Variants in BPTF observed in about 807,000 individuals in gnomAD.
BPTF encodes nucleosome-remodeling factor subunit BPTF.
In BPTF, 18 loss-of-function variants were observed where a neutral mutation model predicts 292.5. The ratio of observed to expected loss-of-function variants is 0.06; its 90% CI spans 0.04 to 0.09. The LOEUF (loss-of-function observed/expected upper bound fraction) is 0.09, where lower values mean the gene tolerates loss of function less well. Ranked by LOEUF, BPTF falls within the 10% of genes least tolerant of loss-of-function variation. The pLI is 1.00. For synonymous variants in BPTF, 1,225 were observed against 1,251.9 expected (o/e 0.98, Z 0.45); for missense variants, 2,726 against 3,498.7 (o/e 0.78, Z 5.57).
rs1484364946 is a variant in BPTF at position 67,931,938 on chromosome 17, G to A, written c.6178G>A (p.Gly2060Ser). The A allele has an allele frequency of 6.8e-6, 11 of 1,613,788 alleles. No individual in the cohort carries two copies. The highest frequency in any genetic ancestry group is 7.6e-6 in the Non-Finnish European group (9 of 1,179,896). Reference protein sequence around the residue: ...QVITGPQIRPGMTVIRTPLQQ... With the variant: ...QVITGPQIRPSMTVIRTPLQQ... ...AATCACAGGGCCTCAGATTCGCCCT[G>A]GTATGACCGTGATTAGAACACCACT... is the stretch of plus-strand genomic sequence containing the variant. The change falls in exon 18 of 28, where the codon GGT becomes AGT. Residue 2060 changes from glycine to serine, a missense_variant. Gly to Ser is a moderately conservative substitution (Grantham distance 56). Transcript: ENST00000306378.
chr17:67,880,125 A>G (rs1164303412), intron 4 of BPTF, among the ~76,000 whole-genome samples: 1 of 152,014 alleles, frequency 6.6e-6, no homozygotes, highest in East Asian at 1.9e-4. Flanking sequence ...TTTTATATAT[A>G]TAGGGTCTAT....
chr17:67,929,203 G>A, intron 16 of BPTF, 133 bp from the exon 17 acceptor site: 1 of 1,429,728 alleles, frequency 7.0e-7, no homozygotes. Flanking sequence ...ACTGATTTCA[G>A]TCCTCGGATC....
chr17:67,849,048 C>T (rs1013166579), intron 1 of BPTF, among the ~76,000 whole-genome samples: 1 of 152,172 alleles, frequency 6.6e-6, no homozygotes, highest in Non-Finnish European at 1.5e-5. Flanking sequence ...CTGTTGTAAT[C>T]GTGCCTCCTG....
chr17:67,969,747 G>A (rs1036075612), intron 26 of BPTF, among the ~76,000 whole-genome samples: 9 of 151,628 alleles, frequency 5.9e-5, no homozygotes, highest in African/African-American at 2.2e-4. Flanking sequence ...TGGATAGCTT[G>A]AGCCCAGGAT....
At chr17:67,935,453 G>A (rs576536091) in intron 18 of BPTF, among the ~76,000 whole-genome samples, 2 of 152,026 alleles carry the variant, frequency 1.3e-5, no homozygotes, top group Non-Finnish European at 2.9e-5. Flanking sequence ...GAAAGAAAAT[G>A]AGGGAGGAAA....
At chr17:67,960,545 T>C (rs1175805547) in intron 24 of BPTF, among the ~76,000 whole-genome samples, 1 of 152,220 alleles carries the variant, frequency 6.6e-6, no homozygotes, top group African/African-American at 2.4e-5. Context: ...ATAGAGGCAC[T>C]AAACCGTAAA....
At chr17:67,844,064 C>T (rs1223278635) in intron 1 of BPTF, among the ~76,000 whole-genome samples, 1 of 141,694 alleles carries the variant, frequency 7.1e-6, no homozygotes, top group East Asian at 2.2e-4. Flanking sequence ...CGTGCCCGGC[C>T]CCCGCCTTTT....
chr17:67,967,589 G>T (rs1300417860), intron 26 of BPTF, among the ~76,000 whole-genome samples: 1 of 152,054 alleles, frequency 6.6e-6, no homozygotes, highest in African/African-American at 2.4e-5. Context: ...CGGAGGCCAA[G>T]GTGGATGGAT....
intron 1 of BPTF, among the ~76,000 whole-genome samples, chr17:67,850,556 A>G (rs2058330671): frequency 6.6e-6 from 1 of 152,010 alleles, no homozygotes; most frequent in South Asian, 2.1e-4. Flanking sequence ...TTTCTTAGAG[A>G]CGGGGTTTCA....
At position 67,913,121 on chromosome 17, in the gene BPTF, A is replaced by G. The variant is rs375239645; in HGVS notation, c.5237A>G (p.Asn1746Ser). The G allele has an allele frequency of 8.7e-6, 14 of 1,613,996 alleles. No homozygotes were observed. Among genetic ancestry groups the G allele is most frequent in the South Asian group, 2.2e-5 (2 of 91,082 alleles). Residue 1746 changes from asparagine (N) to serine (S), a missense_variant, in exon 11 of 28, where the codon AAT (asparagine) becomes AGT (serine). By Grantham distance (46) the Asn-to-Ser change is conservative. Transcript: ENST00000306378. Reference sequence around the variant, plus strand: ...CGAGAGGTCCCTTATTTTAATTACAATGCAAAACCTGCTTTGGATATATGG... The same window carrying G: ...CGAGAGGTCCCTTATTTTAATTACAGTGCAAAACCTGCTTTGGATATATGG... ...GIREVPYFNY[N>S]AKPALDIWPY... is the part of the protein sequence containing the mutation.
intron 1 of BPTF, among the ~76,000 whole-genome samples, chr17:67,839,807 C>T (rs936735326): frequency 1.3e-5 from 2 of 152,074 alleles, no homozygotes; most frequent in African/African-American, 2.4e-5. Flanking sequence ...TGAGTAAATA[C>T]CTAGGAGTAT....
At chr17:67,954,562 T>C (rs2066742683) in intron 23 of BPTF, among the ~76,000 whole-genome samples, 1 of 152,200 alleles carries the variant, frequency 6.6e-6, no homozygotes, top group South Asian at 2.1e-4. Flanking sequence ...CCACCTCTTC[T>C]TCCTTCTGAA....
chr17:67,942,618 C>T (rs2065467056), intron 19 of BPTF, among the ~76,000 whole-genome samples: 1 of 152,168 alleles, frequency 6.6e-6, no homozygotes, highest in Non-Finnish European at 1.5e-5. Context: ...AGTATACCTT[C>T]TAGGTATATC....
rs1313366858 is a variant in BPTF at position 67,825,943 on chromosome 17, C to A, written c.219C>A (p.Ser73Arg). The change falls in exon 1 of 28, where the codon AGC (serine) becomes AGA (arginine). Residue 73 changes from serine to arginine, a missense_variant. Ser to Arg is a moderately radical substitution (Grantham distance 110). This residue lies in a region of BPTF where 103 missense variants were observed against 72.1 expected (regional missense o/e 1.43). Coordinates refer to ENST00000306378, the MANE Select transcript of BPTF (RefSeq NM_182641.4). Reference sequence around the variant, plus strand: ...GCTCGCCCAGGGGGGGCAGCAGTAGCCGGAGGAAGCCGCCGCCGCCGCCGC... The same window carrying A: ...GCTCGCCCAGGGGGGGCAGCAGTAGACGGAGGAAGCCGCCGCCGCCGCCGC... ...RLSSPRGGSSSRRKPPPPPPA... is the reference protein window; with the variant it reads ...RLSSPRGGSSRRRKPPPPPPA... 78 of 1,013,602 alleles carry A rather than the reference C, an allele frequency of 7.7e-5. No individual in the cohort carries two copies. The highest frequency in any genetic ancestry group is 4.8e-4 in the Middle Eastern group (1 of 2,082). The allele number at this position is 1,013,602 out of a possible 1,614,324, so 62.8% of individuals were successfully genotyped here. A position where few individuals can be genotyped will look rare whatever the true frequency, so the allele number is the denominator to read the frequency against.
intron 27 of BPTF, among the ~76,000 whole-genome samples, chr17:67,978,177 A>T (rs1555695017): frequency 1.3e-5 from 2 of 150,888 alleles, no homozygotes; most frequent in Non-Finnish European, 3.0e-5. Flanking sequence ...TTATTTAGGG[A>T]CAGGGTCTTG....
intron 26 of BPTF, among the ~76,000 whole-genome samples, chr17:67,971,139 C>T (rs1475648969): frequency 1.3e-5 from 2 of 152,110 alleles, no homozygotes; most frequent in African/African-American, 2.4e-5. Context: ...AGTGCAGTGG[C>T]GCTATCTCGG....
Position 67,982,254 on chromosome 17 carries a change from C to G in BPTF, c.8729C>G (p.Ser2910Cys), listed in dbSNP as rs1555696992. ...TCCCTTTTTTCTATATTCTGTAGGT[C>G]TCATAACAACAAACTGCAGTCTACA... Reference protein sequence around the residue: ...QKLKGFKASRSHNNKLQSTAS With the variant: ...QKLKGFKASRCHNNKLQSTAS Residue 2910 changes from serine (S) to cysteine (C), a missense_variant and splice_region_variant, in exon 28 of 28, where the codon TCT becomes TGT. Transcript: ENST00000306378. 1 of 1,610,808 alleles carries G rather than the reference C, an allele frequency of 6.2e-7. No homozygotes were observed. Among genetic ancestry groups the G allele is most frequent in the Non-Finnish European group, 8.5e-7 (1 of 1,177,648 alleles).
rs1473227526 is a variant in BPTF, at chr17:67,871,245, C to T, written c.1661-3572C>T. 3.3e-5 allele frequency among the ~76,000 whole-genome samples: 5 copies of T among 151,690 alleles called. No individual in the cohort carries two copies. In the South Asian group the frequency reaches 1.0e-3, roughly 32 times the overall value. On this transcript the variant is annotated intron_variant, in intron 3 of 27. Transcript: ENST00000306378. ...AAAGTTGAAAGAATTATACAGTTAC[C>T]AGCCTGATCAACATGGCAAAACCTC...
At chr17:67,850,270 C>G (rs975195231) in intron 1 of BPTF, among the ~76,000 whole-genome samples, 2 of 152,206 alleles carry the variant, frequency 1.3e-5, no homozygotes, top group Non-Finnish European at 2.9e-5. Flanking sequence ...GTGATATTAA[C>G]TACTAGTTCA....
Sources: allele counts gnomAD v4.1 joint callset (sites outside exome capture counted in the v4.1 genomes callset), GRCh38; gene constraint gnomAD v4.1.1; regional missense constraint gnomAD v4.1.1; transcripts MANE v1.5; gene names NCBI Gene and HGNC (gene_info 2026-07-23, HGNC 2026-07-21).